The following ZNF469 variants were observed in gnomAD, a reference collection of about 807,000 sequenced individuals.
ZNF469 encodes zinc finger protein 469.
In ZNF469, 1 loss-of-function variant was observed where a neutral mutation model predicts 1.0. That is an observed-to-expected ratio of 1.00 (90% CI 0.35 to 4.73). ZNF469 has a LOEUF of 4.73. Ranked by LOEUF, ZNF469 falls within the 30% of genes most tolerant of loss-of-function variation. The pLI, the probability that ZNF469 is intolerant of heterozygous loss-of-function variation, is 0.16. For missense variants in ZNF469, 6,100 were observed against 5,356.3 expected (o/e 1.14, Z -4.33); for synonymous variants, 2,703 against 2,363.4 (o/e 1.14, Z -4.17).
chr16:88,303,924 C>G, the ZNF469 span, among the ~76,000 whole-genome samples: 5 of 152,310 alleles, frequency 3.3e-5, no homozygotes, highest in East Asian at 5.8e-4. Context: ...TGTCATCGCT[C>G]TTAATGAAAG....
the ZNF469 span, among the ~76,000 whole-genome samples, chr16:88,114,907 C>T: frequency 3.3e-5 from 5 of 152,216 alleles, no homozygotes; most frequent in African/African-American, 7.2e-5. Context: ...CAGGCCAGGG[C>T]GAAAATGTCT....
the ZNF469 span, among the ~76,000 whole-genome samples, chr16:88,311,865 A>G: frequency 2.0e-5 from 3 of 152,240 alleles, no homozygotes; most frequent in Non-Finnish European, 2.9e-5. Flanking sequence ...CGTGCTTTCA[A>G]ATGATTGATT....
chr16:88,179,853 C>T, the ZNF469 span, among the ~76,000 whole-genome samples: 2 of 152,154 alleles, frequency 1.3e-5, no homozygotes, highest in Non-Finnish European at 2.9e-5. Context: ...TCTGTGGTAA[C>T]AACAGTACCA....
the ZNF469 span, among the ~76,000 whole-genome samples, chr16:88,222,480 G>A: frequency 6.6e-6 from 1 of 152,202 alleles, no homozygotes; most frequent in East Asian, 1.9e-4. Flanking sequence ...TCCTAAGGCT[G>A]GGTGCGGTGG....
the ZNF469 span, among the ~76,000 whole-genome samples, chr16:88,372,396 T>TACCATCACCATCATC: frequency 5.8e-5 from 4 of 69,140 alleles, no homozygotes; most frequent in South Asian, 9.7e-4. Context: ...TCACCATCAC[T>TACCATCACCATCATC]ACCATCACCA....
chr16:88,239,586 C>T, the ZNF469 span, among the ~76,000 whole-genome samples: 1 of 146,102 alleles, frequency 6.8e-6, no homozygotes, highest in South Asian at 2.2e-4. Context: ...CTCCCAGGTT[C>T]ACGCCATTCT....
At chr16:88,208,745 CTA>C in the ZNF469 span, among the ~76,000 whole-genome samples, 2 of 149,814 alleles carry the variant, frequency 1.3e-5, no homozygotes, top group South Asian at 4.3e-4. Context: ...ATATCTGCAT[CTA>C]TAATCTGTCC....
chr16:88,134,979 A>G, the ZNF469 span, among the ~76,000 whole-genome samples: 1 of 152,374 alleles, frequency 6.6e-6, no homozygotes, highest in Admixed American at 6.5e-5. Context: ...GTTTCAAAAG[A>G]AAGTCCCCAG....
the ZNF469 span, among the ~76,000 whole-genome samples, chr16:88,245,962 G>A: frequency 6.6e-6 from 1 of 152,292 alleles, no homozygotes; most frequent in Admixed American, 6.5e-5. Flanking sequence ...CAGCTGGAAT[G>A]GTTGCTTTGG....
chr16:88,430,736 T>TCCG lies in ZNF469; in HGVS notation c.3268_3270dup (p.Arg1090dup). 6 of 1,499,972 alleles carry TCCG rather than the reference T, an allele frequency of 4.0e-6. No homozygotes were observed. The highest frequency in any genetic ancestry group is 5.3e-6 in the Non-Finnish European group (6 of 1,132,036). The allele number at this position is 1,499,972 out of a possible 1,614,324, so 92.9% of individuals were successfully genotyped here. A position where few individuals can be genotyped will look rare whatever the true frequency, so the allele number is the denominator to read the frequency against. ...CGGCCCGGAGCTGAGGACCGCAGGC[T>TCCG]CCGCGAGTACGACTTCGCCTCGGAG... On this transcript the variant is annotated inframe_insertion, in exon 3 of 3. Coordinates refer to ENST00000565624, the MANE Select transcript of ZNF469 (RefSeq NM_001367624.2).
chr16:88,292,055 G>A, the ZNF469 span, among the ~76,000 whole-genome samples: 3 of 152,350 alleles, frequency 2.0e-5, no homozygotes, highest in East Asian at 5.8e-4. Flanking sequence ...CAGGAGTCTG[G>A]AGAACATGAA....
the ZNF469 span, among the ~76,000 whole-genome samples, chr16:88,147,592 G>A: frequency 2.3e-3 from 350 of 152,204 alleles, 4 homozygotes; most frequent in African/African-American, 7.9e-3. Context: ...AGTTGGAGGA[G>A]GTGGGGACCT....
rs1017820254 is a variant in ZNF469, at chr16:88,434,313, G to C, written c.6843G>C (p.Val2281=). 1 of 1,550,232 alleles carries C rather than the reference G, an allele frequency of 6.5e-7. No individual in the cohort carries two copies. The highest frequency in any genetic ancestry group is 1.4e-5 in the African/African-American group (1 of 73,054). The part of the protein sequence containing the change: ...PPLAGAVSPS[V]AVRATGLSST... Reference sequence around the variant, plus strand: ...TGGCAGGGGCCGTCTCCCCCAGCGTGGCCGTCAGGGCTACTGGCCTGTCCA... The same window carrying C: ...TGGCAGGGGCCGTCTCCCCCAGCGTCGCCGTCAGGGCTACTGGCCTGTCCA... The change falls in exon 3 of 3, where the codon GTG becomes GTC. Residue 2281 remains valine (V), a synonymous_variant. Coordinates refer to ENST00000565624, the MANE Select transcript of ZNF469 (RefSeq NM_001367624.2).
At chr16:88,355,176 TACA>T in the ZNF469 span, among the ~76,000 whole-genome samples, 1 of 152,108 alleles carries the variant, frequency 6.6e-6, no homozygotes, top group Non-Finnish European at 1.5e-5. Flanking sequence ...CTCTCAACTC[TACA>T]ACGAGACTAT....
chr16:88,157,682 G>GTC, the ZNF469 span, among the ~76,000 whole-genome samples: 7 of 152,170 alleles, frequency 4.6e-5, no homozygotes, highest in Non-Finnish European at 8.8e-5. Context: ...TGTGGGGCTG[G>GTC]TGAAGAAATG....
At chr16:88,288,811 G>T in the ZNF469 span, among the ~76,000 whole-genome samples, 8 of 151,538 alleles carry the variant, frequency 5.3e-5, no homozygotes, top group Non-Finnish European at 1.2e-4. Context: ...ATAAAAGGAT[G>T]ACAAATAAAA....
the ZNF469 span, among the ~76,000 whole-genome samples, chr16:88,116,965 A>ATG: frequency 6.4e-4 from 73 of 113,778 alleles, no homozygotes; most frequent in Non-Finnish European, 1.1e-3. Context: ...GCACACACAC[A>ATG]CACACACACA....
At chr16:88,331,893 A>G in the ZNF469 span, among the ~76,000 whole-genome samples, 7 of 152,110 alleles carry the variant, frequency 4.6e-5, 1 homozygote, top group South Asian at 8.3e-4. Flanking sequence ...GGAGACACCC[A>G]TGAGTCCTGG....
Position 88,431,163 on chromosome 16 carries a change from C to G in ZNF469, c.3693C>G (p.Ala1231=), listed in dbSNP as rs1277200406. 3 of 1,550,346 alleles carry G rather than the reference C, an allele frequency of 1.9e-6. No homozygotes were observed. The highest frequency in any genetic ancestry group is 4.9e-5 in the East Asian group (2 of 40,906). Residue 1231 remains alanine, a synonymous_variant, in exon 3 of 3, where the codon GCC becomes GCG. Coordinates refer to ENST00000565624, the MANE Select transcript of ZNF469 (RefSeq NM_001367624.2). ...FPQEAKEPET[A]EESAPDSTEF... ...AGGAGGCCAAGGAGCCTGAAACTGC[C>G]GAAGAGTCAGCCCCGGACAGCACAG...
Sources: gnomAD v4.1 joint callset for allele counts (sites outside exome capture counted in the v4.1 genomes callset) on GRCh38, gnomAD v4.1.1 for gene constraint, MANE v1.5 for transcripts, NCBI Gene and HGNC (gene_info 2026-07-23, HGNC 2026-07-21) for gene names.